Variants in NT5M observed in about 807,000 individuals in gnomAD.
NT5M encodes the protein 5'(3')-deoxyribonucleotidase, mitochondrial.
Under a neutral mutation model 22.2 loss-of-function variants are expected in NT5M, and 22 were observed. The observed-to-expected ratio is 0.99, with a 90% CI of 0.71 to 1.41. The LOEUF (loss-of-function observed/expected upper bound fraction) is 1.41, where lower values mean the gene tolerates loss of function less well. NT5M is among the 40% of genes most tolerant of loss of function. NT5M has a pLI of 0.00. For missense variants in NT5M, 322 were observed against 314.8 expected (o/e 1.02, Z -0.17); for synonymous variants, 167 against 133.0 (o/e 1.26, Z -1.76).
intron 3 of NT5M, among the ~76,000 whole-genome samples, chr17:17,340,739 C>G (rs901553906): frequency 6.6e-6 from 1 of 151,994 alleles, no homozygotes; most frequent in African/African-American, 2.4e-5. Flanking sequence ...GTTGGCCAGG[C>G]TGGTCTTGAT....
chr17:17,338,298 T>A (rs1429854823), intron 3 of NT5M, among the ~76,000 whole-genome samples: 67 of 152,096 alleles, frequency 4.4e-4, no homozygotes, highest in Non-Finnish European at 8.8e-5. Flanking sequence ...GTTCAAGTGA[T>A]TCTCCTGCCT....
In NT5M at chr17:17,346,897, T is replaced by C. The variant is rs777438764; in HGVS notation, c.637T>C (p.Ser213Pro). The C allele has an allele frequency of 9.9e-6, 16 of 1,610,902 alleles. No homozygotes were observed. The highest frequency in any genetic ancestry group is 1.7e-5 in the Admixed American group (1 of 59,992). Residue 213 changes from serine (S) to proline (P), a missense_variant, in exon 5 of 5, where the codon TCG becomes CCG. By Grantham distance (74) the Ser-to-Pro change is moderately conservative (BLOSUM62 -1). Coordinates refer to ENST00000389022, the MANE Select transcript of NT5M (RefSeq NM_020201.4). Reference sequence around the variant, plus strand: ...GCAGCCCCCCCGCCGCAGGCTGCACTCGTGGGCGGACGACTGGAAGGCCAT... The same window carrying C: ...GCAGCCCCCCCGCCGCAGGCTGCACCCGTGGGCGGACGACTGGAAGGCCAT... ...QLQPPRRRLH[S>P]WADDWKAILD...
At chr17:17,332,398 G>A (rs2049407170) in intron 3 of NT5M, among the ~76,000 whole-genome samples, 1 of 152,012 alleles carries the variant, frequency 6.6e-6, no homozygotes, top group Non-Finnish European at 1.5e-5. Flanking sequence ...TGTCTTCTTG[G>A]TAATCACTGA....
chr17:17,311,793 C>G (rs965783778), intron 2 of NT5M, among the ~76,000 whole-genome samples: 9 of 152,188 alleles, frequency 5.9e-5, no homozygotes, highest in Admixed American at 2.0e-4. Context: ...GAGTCCAAGT[C>G]CTGCAGAGTA....
intron 3 of NT5M, among the ~76,000 whole-genome samples, chr17:17,332,073 TC>T (rs1446590550): frequency 2.0e-5 from 3 of 151,982 alleles, no homozygotes; most frequent in Non-Finnish European, 4.4e-5. Flanking sequence ...AGCCACCGCA[TC>T]CGGCCTATGG....
At chr17:17,324,124 C>T (rs2049214773) in intron 3 of NT5M, among the ~76,000 whole-genome samples, 1 of 151,534 alleles carries the variant, frequency 6.6e-6, no homozygotes, top group Non-Finnish European at 1.5e-5. Flanking sequence ...ATGTGCCTGC[C>T]TCGGCCTCCC....
chr17:17,327,737 C>G lies in NT5M; in HGVS notation c.429+4492C>G, dbSNP rs553407023. On this transcript the variant is annotated intron_variant, in intron 3 of 4. Transcript: ENST00000389022. ...TTCGCTATGTTGGTCAGGCTGGTCT[C>G]AAACTCCTGACCTTGTGATCCACCT... is the stretch of plus-strand genomic sequence containing the variant. Among the ~76,000 whole-genome samples the G allele has an allele frequency of 9.3e-4, 99 of 106,262 alleles. 27 individuals are homozygous for G. In the South Asian group the frequency reaches 0.03, roughly 32 times the overall value. The allele number at this position is 106,262 out of a possible 152,430, so 69.7% of individuals were successfully genotyped here. A position where few individuals can be genotyped will look rare whatever the true frequency, so the allele number is the denominator to read the frequency against.
chr17:17,303,988 C>T (rs770301082), intron 1 of NT5M, 171 bp downstream of exon 1: 5 of 1,245,514 alleles, frequency 4.0e-6, no homozygotes, highest in Non-Finnish European at 4.0e-6. Context: ...AGATGCGGCC[C>T]CGCGCTCAGG....
chr17:17,306,475 A>G, intron 1 of NT5M, 68 bp from the exon 2 acceptor site: 1 of 1,081,066 alleles, frequency 9.3e-7, no homozygotes. Flanking sequence ...GCCTGGCCAT[A>G]CTCCCCAAGA....
In NT5M at chr17:17,344,787, C is replaced by A; in HGVS notation, c.430-7C>A. On this transcript the variant is annotated splice_region_variant and splice_polypyrimidine_tract_variant and intron_variant, in intron 3 of 4. Coordinates refer to ENST00000389022, the MANE Select transcript of NT5M (RefSeq NM_020201.4). Reference sequence around the variant, plus strand: ...CTCACCACCTGCCCTTGCCTGTTTGCGTCCAGTATGCCTGGGTGGAGAAGT... The same window carrying A: ...CTCACCACCTGCCCTTGCCTGTTTGAGTCCAGTATGCCTGGGTGGAGAAGT... 6 of 1,613,582 alleles carry A rather than the reference C, an allele frequency of 3.7e-6. No individual in the cohort carries two copies. The highest frequency in any genetic ancestry group is 5.1e-6 in the Non-Finnish European group (6 of 1,179,650).
At chr17:17,315,242 A>C (rs527507508) in intron 2 of NT5M, among the ~76,000 whole-genome samples, 1 of 152,224 alleles carries the variant, frequency 6.6e-6, no homozygotes, top group East Asian at 1.9e-4. Context: ...AGTAAGAGGC[A>C]GTTTATTCAT....
intron 3 of NT5M, among the ~76,000 whole-genome samples, chr17:17,340,138 A>G (rs997319973): frequency 3.3e-5 from 5 of 152,006 alleles, no homozygotes; most frequent in African/African-American, 1.2e-4. Context: ...GAGACTTTTT[A>G]TTATGGCTTC....
At chr17:17,342,599 G>T (rs1016716667) in intron 3 of NT5M, among the ~76,000 whole-genome samples, 2 of 152,198 alleles carry the variant, frequency 1.3e-5, no homozygotes, top group East Asian at 1.9e-4. Context: ...GATGTTCCAT[G>T]TTCCAGCCAC....
At chr17:17,334,824 T>G (rs1331650308) in intron 3 of NT5M, among the ~76,000 whole-genome samples, 1 of 152,192 alleles carries the variant, frequency 6.6e-6, no homozygotes, top group Non-Finnish European at 1.5e-5. Context: ...TCCAAAATTA[T>G]TCTTCATTTT....
rs781387090 is a variant in NT5M, at chr17:17,303,825, T to G, written c.267+8T>G. On this transcript the variant is annotated splice_region_variant and intron_variant, in intron 1 of 4. Coordinates refer to ENST00000389022, the MANE Select transcript of NT5M (RefSeq NM_020201.4). ...CTGCGGCCAGGGCTGAGCGTGAGCG[T>G]CCCCGCCCCGCCCCGCGCCGGGCCT... The G allele has an allele frequency of 3.4e-5, 47 of 1,394,398 alleles. No individual in the cohort carries two copies. In the Admixed American group the frequency reaches 4.7e-4, roughly 14 times the overall value. The allele number at this position is 1,394,398 out of a possible 1,614,324, so 86.4% of individuals were successfully genotyped here.
chr17:17,344,870 C>T lies in NT5M; in HGVS notation c.506C>T (p.Ser169Phe). 1 of 1,614,230 alleles carries T rather than the reference C, an allele frequency of 6.2e-7. No individual in the cohort carries two copies. The highest frequency in any genetic ancestry group is 8.5e-7 in the Non-Finnish European group (1 of 1,180,026). ...CTGACCAGAGACAAGACCGTGGTCTCTGCTGACCTTCTCATAGACGACCGG... is the reference window on the plus strand; with the variant it reads ...CTGACCAGAGACAAGACCGTGGTCTTTGCTGACCTTCTCATAGACGACCGG... Reference protein sequence around the residue: ...IVLTRDKTVVSADLLIDDRPD... With the variant: ...IVLTRDKTVVFADLLIDDRPD... Residue 169 changes from serine (S) to phenylalanine (F), a missense_variant, in exon 4 of 5, where the codon TCT becomes TTT. Ser to Phe is a radical substitution (Grantham distance 155, BLOSUM62 -2). Transcript: ENST00000389022.
At chr17:17,320,744 C>T (rs1567888182) in intron 2 of NT5M, among the ~76,000 whole-genome samples, 1 of 152,054 alleles carries the variant, frequency 6.6e-6, no homozygotes, top group South Asian at 2.1e-4. Context: ...CAACCTGGAG[C>T]GGTCAGGAGA....
At chr17:17,332,177 A>G (rs961556796) in intron 3 of NT5M, among the ~76,000 whole-genome samples, 3 of 152,076 alleles carry the variant, frequency 2.0e-5, no homozygotes, top group African/African-American at 7.2e-5. Context: ...TGCTCATCTG[A>G]GTGGAGCAGG....
chr17:17,337,816 T>A (rs2049549122), intron 3 of NT5M, among the ~76,000 whole-genome samples: 2 of 152,242 alleles, frequency 1.3e-5, no homozygotes. Context: ...CCTTGTCAGA[T>A]GGATAGTTTG....
Sources: allele counts gnomAD v4.1 joint callset (sites outside exome capture counted in the v4.1 genomes callset), GRCh38; gene constraint gnomAD v4.1.1; transcripts MANE v1.5; gene names NCBI Gene and HGNC (gene_info 2026-07-23, HGNC 2026-07-21).